The following GRAMD1C variants were observed in gnomAD, a reference collection of about 807,000 sequenced individuals.
GRAMD1C encodes GRAM domain containing 1C.
In GRAMD1C, 89 loss-of-function variants were observed where a neutral mutation model predicts 97.8. That is an observed-to-expected ratio of 0.91 (90% confidence interval 0.77 to 1.09). The LOEUF is 1.09. Among genes scored for constraint, GRAMD1C ranks in the 50% least tolerant of loss-of-function variants. The pLI is 0.00. For missense variants in GRAMD1C, 740 were observed against 766.4 expected (o/e 0.97, Z 0.41); for synonymous variants, 256 against 267.0 (o/e 0.96, Z 0.40).
chr3:113,870,558 T>A (rs1432870228), intron 3 of GRAMD1C, among the ~76,000 whole-genome samples: 1 of 152,134 alleles, frequency 6.6e-6, no homozygotes, highest in Non-Finnish European at 1.5e-5. Flanking sequence ...TTATTGTATA[T>A]TTCAAAATAG....
intron 13 of GRAMD1C, among the ~76,000 whole-genome samples, chr3:113,935,384 G>C (rs986809240): frequency 1.3e-5 from 2 of 152,006 alleles, no homozygotes; most frequent in Non-Finnish European, 2.9e-5. Flanking sequence ...GGCAATGGTA[G>C]TATGTACATG....
At chr3:113,910,850 G>A (rs1936543068) in intron 9 of GRAMD1C, among the ~76,000 whole-genome samples, 1 of 152,064 alleles carries the variant, frequency 6.6e-6, no homozygotes, top group African/African-American at 2.4e-5. Flanking sequence ...GCTTCTGTGG[G>A]CACCTAGATC....
chr3:113,936,516 G>A, intron 14 of GRAMD1C, 74 bp downstream of exon 14: 1 of 905,850 alleles, frequency 1.1e-6, no homozygotes, highest in Non-Finnish European at 1.7e-6. Context: ...CCTCTTGTTT[G>A]TAAGAATATG....
intron 10 of GRAMD1C, chr3:113,920,017 A>C (rs909501482): frequency 1.3e-6 from 1 of 753,872 alleles, no homozygotes; most frequent in African/African-American, 1.8e-5. Context: ...TGAACCAAAA[A>C]GTTTCAGTAA....
chr3:113,853,246 C>T (rs1384780576), intron 2 of GRAMD1C, among the ~76,000 whole-genome samples: 1 of 151,874 alleles, frequency 6.6e-6, no homozygotes, highest in Non-Finnish European at 1.5e-5. Flanking sequence ...GAAATGGCAA[C>T]TAAAGAGAGA....
chr3:113,857,533 G>A (rs533767249), intron 2 of GRAMD1C, among the ~76,000 whole-genome samples: 7 of 151,944 alleles, frequency 4.6e-5, no homozygotes, highest in Admixed American at 1.3e-4. Flanking sequence ...CCACCACCAC[G>A]CCTGGCTAAT....
intron 1 of GRAMD1C, among the ~76,000 whole-genome samples, chr3:113,842,359 C>A (rs1933368266): frequency 2.0e-5 from 3 of 152,164 alleles, no homozygotes; most frequent in African/African-American, 7.2e-5. Context: ...GTTGTAGAGG[C>A]ACAAAAGCCA....
intron 6 of GRAMD1C, among the ~76,000 whole-genome samples, chr3:113,889,056 C>G (rs147747297): frequency 6.6e-6 from 1 of 152,104 alleles, no homozygotes; most frequent in Non-Finnish European, 1.5e-5. Flanking sequence ...ACAAATTAGC[C>G]GGGCGTGGTG....
At chr3:113,917,613 C>T (rs574717716) in intron 10 of GRAMD1C, among the ~76,000 whole-genome samples, 7 of 152,032 alleles carry the variant, frequency 4.6e-5, no homozygotes, top group Non-Finnish European at 1.0e-4. Context: ...TGAGCCACTG[C>T]ACCCAGCCGC....
intron 2 of GRAMD1C, among the ~76,000 whole-genome samples, chr3:113,845,578 A>G (rs1158399712): frequency 6.6e-6 from 1 of 152,100 alleles, no homozygotes; most frequent in Non-Finnish European, 1.5e-5. Context: ...ACATGCCTAC[A>G]GGCTACATCC....
intron 1 of GRAMD1C, among the ~76,000 whole-genome samples, chr3:113,828,674 T>C (rs1181541886): frequency 1.3e-5 from 2 of 152,184 alleles, no homozygotes; most frequent in Admixed American, 1.3e-4. Flanking sequence ...GTTCCCTTTT[T>C]CATTGAAGAT....
At chr3:113,913,289 C>A in intron 9 of GRAMD1C, 1 of 355,482 alleles carries the variant, frequency 2.8e-6, no homozygotes, top group Non-Finnish European at 5.4e-6. Context: ...CTTTGGAAGG[C>A]TGAGCCAGGT....
chr3:113,847,041 C>G (rs1053641475), intron 2 of GRAMD1C, among the ~76,000 whole-genome samples: 1 of 152,062 alleles, frequency 6.6e-6, no homozygotes, highest in African/African-American at 2.4e-5. Context: ...CTCAAATCTT[C>G]ATTTGGTGTT....
intron 10 of GRAMD1C, among the ~76,000 whole-genome samples, chr3:113,920,495 A>G (rs935393817): frequency 6.6e-6 from 1 of 152,176 alleles, no homozygotes; most frequent in African/African-American, 2.4e-5. Flanking sequence ...CATAAACATT[A>G]AAAATTTTCG....
intron 10 of GRAMD1C, chr3:113,920,325 C>T (rs915573041): frequency 5.2e-6 from 2 of 383,718 alleles, no homozygotes; most frequent in Admixed American, 8.8e-5. Context: ...TATTAGTCTT[C>T]CTTTATCTTA....
chr3:113,905,713 G>A (rs75228411), intron 8 of GRAMD1C, among the ~76,000 whole-genome samples: 4 of 143,626 alleles, frequency 2.8e-5, no homozygotes, highest in Non-Finnish European at 6.1e-5. Context: ...TTTTTTTTTT[G>A]ATACAGAGTT....
At chr3:113,887,449 C>T (rs943110064) in intron 6 of GRAMD1C, among the ~76,000 whole-genome samples, 11 of 151,514 alleles carry the variant, frequency 7.3e-5, no homozygotes, top group Non-Finnish European at 1.6e-4. Flanking sequence ...GCCTGTAATC[C>T]TAGCACTTTG....
chr3:113,869,969 G>T (rs967872770), intron 3 of GRAMD1C, among the ~76,000 whole-genome samples: 1 of 152,010 alleles, frequency 6.6e-6, no homozygotes, highest in Non-Finnish European at 1.5e-5. Flanking sequence ...TGGAACTGGA[G>T]GACATTATGT....
At chr3:113,913,979 A>G (rs1406738350) in intron 9 of GRAMD1C, among the ~76,000 whole-genome samples, 2 of 152,226 alleles carry the variant, frequency 1.3e-5, no homozygotes, top group African/African-American at 4.8e-5. Flanking sequence ...TAGTGATAGT[A>G]TATTGATCTA....
Sources: gnomAD v4.1 joint callset for allele counts (sites outside exome capture counted in the v4.1 genomes callset) on GRCh38, gnomAD v4.1.1 for gene constraint, MANE v1.5 for transcripts, NCBI Gene and HGNC (gene_info 2026-07-23, HGNC 2026-07-21) for gene names.